The following GALNT13 variants were observed in gnomAD, a reference collection of about 807,000 sequenced individuals.
GALNT13 encodes polypeptide N-acetylgalactosaminyltransferase 13.
A neutral mutation model predicts 64.2 loss-of-function variants in GALNT13; 28 were observed. The observed-to-expected ratio is 0.44, with a 90% confidence interval of 0.32 to 0.60. The LOEUF is 0.60. GALNT13 is among the 20% of genes least tolerant of loss of function. The pLI is 0.05. For missense variants in GALNT13, 577 were observed against 669.8 expected (o/e 0.86, Z 1.53); for synonymous variants, 214 against 224.6 (o/e 0.95, Z 0.42).
At chr2:154,243,437 A>G (rs1689604371) in intron 6 of GALNT13, among the ~76,000 whole-genome samples, 1 of 152,092 alleles carries the variant, frequency 6.6e-6, no homozygotes, top group Admixed American at 6.5e-5. Flanking sequence ...TTAAAAATGC[A>G]CACACACACA....
intron 4 of GALNT13, among the ~76,000 whole-genome samples, chr2:154,172,205 T>C (rs994350046): frequency 6.6e-6 from 1 of 152,040 alleles, no homozygotes; most frequent in Non-Finnish European, 1.5e-5. Context: ...ATGTACATAG[T>C]TTGAGGGTAC....
chr2:153,268,568 TC>T, the GALNT13 span, among the ~76,000 whole-genome samples: 22 of 152,310 alleles, frequency 1.4e-4, no homozygotes, highest in Middle Eastern at 3.4e-3. Flanking sequence ...AAAGTGGCCC[TC>T]TTTTTACAGT....
chr2:153,442,907 C>G, the GALNT13 span, among the ~76,000 whole-genome samples: 5 of 152,286 alleles, frequency 3.3e-5, no homozygotes, highest in Admixed American at 2.0e-4. Context: ...TTACCAAGCT[C>G]GAGTGTCCCT....
At chr2:153,736,270 G>A in the GALNT13 span, among the ~76,000 whole-genome samples, 2 of 152,080 alleles carry the variant, frequency 1.3e-5, no homozygotes, top group African/African-American at 4.8e-5. Context: ...TTAGTCTGTT[G>A]CTACTGTTAT....
chr2:154,130,164 T>C (rs930109131), intron 3 of GALNT13, among the ~76,000 whole-genome samples: 3 of 152,138 alleles, frequency 2.0e-5, no homozygotes, highest in African/African-American at 7.2e-5. Context: ...CCTGTGAAAT[T>C]ATAGTTGTGG....
intron 3 of GALNT13, among the ~76,000 whole-genome samples, chr2:153,945,625 A>G (rs1294129099): frequency 6.6e-6 from 1 of 152,104 alleles, no homozygotes; most frequent in Admixed American, 6.6e-5. Flanking sequence ...TATTTTTGAG[A>G]TATTTATTGA....
At chr2:153,825,843 A>G in the GALNT13 span, among the ~76,000 whole-genome samples, 1 of 152,146 alleles carries the variant, frequency 6.6e-6, no homozygotes, top group Non-Finnish European at 1.5e-5. Flanking sequence ...TTTTGTATGA[A>G]GTTCATTTCC....
the GALNT13 span, among the ~76,000 whole-genome samples, chr2:153,654,073 A>AC: frequency 3.3e-3 from 495 of 152,076 alleles, 4 homozygotes; most frequent in African/African-American, 0.011. Context: ...TACACATGGC[A>AC]CCCCCCATGT....
At chr2:153,335,182 C>G in the GALNT13 span, among the ~76,000 whole-genome samples, 1 of 152,138 alleles carries the variant, frequency 6.6e-6, no homozygotes, top group Non-Finnish European at 1.5e-5. Flanking sequence ...TTCCCAGTCT[C>G]CAGTTGTCTT....
the GALNT13 span, among the ~76,000 whole-genome samples, chr2:153,393,483 T>TC: frequency 6.6e-6 from 1 of 152,106 alleles, no homozygotes; most frequent in Non-Finnish European, 1.5e-5. Context: ...TTCTTTTTTT[T>TC]CCCAAATAAT....
rs190002537 is a variant in GALNT13 at position 154,323,154 on chromosome 2, A to C, written c.1156+21565A>C. Among the ~76,000 whole-genome samples, 20 of 151,592 alleles carry C rather than the reference A, an allele frequency of 1.3e-4. No homozygotes were observed. The East Asian group carries it at 3.7e-3, about 28-fold the overall frequency. On this transcript the variant is annotated intron_variant, in intron 9 of 12. Coordinates refer to ENST00000392825, the MANE Select transcript of GALNT13 (RefSeq NM_052917.4). ...GTTTCAAAGGAAGGAGTAGCAGCTGAGCATAATGACTTCTGCCTGTCATCC... is the reference window on the plus strand; with the variant it reads ...GTTTCAAAGGAAGGAGTAGCAGCTGCGCATAATGACTTCTGCCTGTCATCC...
At chr2:153,190,732 T>C in the GALNT13 span, among the ~76,000 whole-genome samples, 1 of 152,082 alleles carries the variant, frequency 6.6e-6, no homozygotes, top group Non-Finnish European at 1.5e-5. Context: ...TTTCCATTTA[T>C]TTATGGTCTC....
At chr2:154,022,094 A>T (rs1697550464) in intron 3 of GALNT13, among the ~76,000 whole-genome samples, 1 of 152,138 alleles carries the variant, frequency 6.6e-6, no homozygotes, top group Non-Finnish European at 1.5e-5. Flanking sequence ...GTGCTGCTGG[A>T]TTCGGTTTGC....
chr2:154,441,587 TAATA>T, intron 12 of GALNT13: 1 of 152,246 alleles, frequency 6.6e-6, no homozygotes, highest in South Asian at 2.1e-4. Context: ...ATTCAGGTCC[TAATA>T]AAGTATTCCA....
the GALNT13 span, among the ~76,000 whole-genome samples, chr2:153,741,822 T>TA: frequency 6.6e-6 from 1 of 152,108 alleles, no homozygotes; most frequent in Non-Finnish European, 1.5e-5. Flanking sequence ...TCATCTCTTT[T>TA]AAAAAATTAA....
the GALNT13 span, among the ~76,000 whole-genome samples, chr2:153,799,473 G>T: frequency 6.6e-6 from 1 of 152,082 alleles, no homozygotes; most frequent in African/African-American, 2.4e-5. Flanking sequence ...TAATGCAAAG[G>T]AATCGGACAA....
intron 3 of GALNT13, among the ~76,000 whole-genome samples, chr2:153,997,454 C>A (rs6722736): frequency 0.18 from 27,344 of 150,894 alleles, 4,658 homozygotes; most frequent in East Asian, 0.74. Context: ...GGGTAACTTT[C>A]TTGATTTCTT....
chr2:154,348,408 T>C (rs1696190740), intron 9 of GALNT13, among the ~76,000 whole-genome samples: 1 of 152,138 alleles, frequency 6.6e-6, no homozygotes, highest in African/African-American at 2.4e-5. Flanking sequence ...AGTTTCTCGG[T>C]GTTACAGTGT....
At chr2:154,212,997 A>G (rs1245915911) in intron 4 of GALNT13, among the ~76,000 whole-genome samples, 2 of 152,208 alleles carry the variant, frequency 1.3e-5, no homozygotes, top group Non-Finnish European at 2.9e-5. Context: ...GGACTGAGTT[A>G]GTGTTTGAAG....
Sources: gnomAD v4.1 joint callset for allele counts (sites outside exome capture counted in the v4.1 genomes callset) on GRCh38, gnomAD v4.1.1 for gene constraint, MANE v1.5 for transcripts, NCBI Gene and HGNC (gene_info 2026-07-23, HGNC 2026-07-21) for gene names.